Variants in TEAD1 observed in about 807,000 individuals in gnomAD.
The protein encoded by TEAD1 is transcriptional enhancer factor TEF-1.
TEAD1 carries 9 observed loss-of-function variants against 54.9 expected under a neutral mutation model. The ratio of observed to expected loss-of-function variants is 0.16; its 90% confidence interval spans 0.10 to 0.29. The LOEUF is 0.29. Among genes scored for constraint, TEAD1 ranks in the 10% least tolerant of loss-of-function variants. TEAD1 has a pLI of 1.00. For synonymous variants in TEAD1, 200 were observed against 187.8 expected (o/e 1.07, Z -0.53); for missense variants, 387 against 535.9 (o/e 0.72, Z 2.74).
intron 3 of TEAD1, among the ~76,000 whole-genome samples, chr11:12,799,331 T>A (rs1294958861): frequency 6.6e-6 from 1 of 152,250 alleles, no homozygotes. Flanking sequence ...AATAGTCACA[T>A]GCAATCTTTT....
chr11:12,865,047 T>G (rs1947588110), intron 5 of TEAD1, 147 bp downstream of exon 5: 1 of 908,364 alleles, frequency 1.1e-6, no homozygotes, highest in African/African-American at 1.6e-5. Context: ...GTGTTTAATC[T>G]CTCTGTTTCT....
chr11:12,831,579 T>C (rs1705530686), intron 3 of TEAD1, among the ~76,000 whole-genome samples: 1 of 152,160 alleles, frequency 6.6e-6, no homozygotes, highest in Non-Finnish European at 1.5e-5. Context: ...AAGGAAAATA[T>C]TCCACCTGGC....
intron 3 of TEAD1, among the ~76,000 whole-genome samples, chr11:12,844,497 T>C: frequency 6.6e-6 from 1 of 152,118 alleles, no homozygotes; most frequent in East Asian, 1.9e-4. Flanking sequence ...AGGGATTAAA[T>C]TGTTGCCACC....
At chr11:12,774,253 G>A (rs947163992) in intron 3 of TEAD1, among the ~76,000 whole-genome samples, 8 of 152,216 alleles carry the variant, frequency 5.3e-5, no homozygotes, top group Non-Finnish European at 8.8e-5. Context: ...GTCAACTGAT[G>A]TGAATGTGGG....
intron 2 of TEAD1, among the ~76,000 whole-genome samples, chr11:12,722,404 C>T (rs1944225655): frequency 6.6e-6 from 1 of 152,150 alleles, no homozygotes; most frequent in Non-Finnish European, 1.5e-5. Flanking sequence ...CTCAAGAAAC[C>T]TCATGCAGGC....
chr11:12,694,558 C>G (rs1176951908), intron 2 of TEAD1, among the ~76,000 whole-genome samples: 2 of 152,130 alleles, frequency 1.3e-5, no homozygotes, highest in African/African-American at 4.8e-5. Flanking sequence ...TTATTTTTCT[C>G]CTTTATGAGC....
At chr11:12,815,955 A>G (rs978363642) in intron 3 of TEAD1, among the ~76,000 whole-genome samples, 51 of 152,352 alleles carry the variant, frequency 3.3e-4, no homozygotes, top group African/African-American at 1.1e-3. Context: ...TTTAAATTAC[A>G]TGTTACAGCA....
chr11:12,779,562 T>TA (rs1184507233), intron 3 of TEAD1, among the ~76,000 whole-genome samples: 1 of 152,174 alleles, frequency 6.6e-6, no homozygotes, highest in African/African-American at 2.4e-5. Context: ...GATAATACAT[T>TA]AAAATACTTA....
intron 12 of TEAD1, among the ~76,000 whole-genome samples, chr11:12,934,438 G>C (rs956260561): frequency 6.6e-6 from 1 of 152,018 alleles, no homozygotes; most frequent in Admixed American, 6.6e-5. Context: ...AATACCTAAT[G>C]TTAAATGATG....
intron 3 of TEAD1, among the ~76,000 whole-genome samples, chr11:12,790,832 A>G (rs1436753699): frequency 6.6e-6 from 1 of 152,226 alleles, no homozygotes; most frequent in Admixed American, 6.5e-5. Flanking sequence ...TCATACCCTC[A>G]GGTGACTATG....
chr11:12,904,833 G>A (rs563834400), intron 10 of TEAD1: 63 of 351,860 alleles, frequency 1.8e-4, no homozygotes, highest in South Asian at 1.3e-3. Flanking sequence ...TTGCAGTATC[G>A]TACATGATCA....
At chr11:12,708,504 T>C (rs780838539) in intron 2 of TEAD1, among the ~76,000 whole-genome samples, 2 of 152,066 alleles carry the variant, frequency 1.3e-5, no homozygotes, top group African/African-American at 2.4e-5. Flanking sequence ...GCAAATTTCA[T>C]ATGTGATTGG....
chr11:12,804,350 AACG>A (rs1946124674), intron 3 of TEAD1, among the ~76,000 whole-genome samples: 1 of 152,232 alleles, frequency 6.6e-6, no homozygotes, highest in Non-Finnish European at 1.5e-5. Context: ...GTTCACCAAG[AACG>A]AGCCACCCCA....
At chr11:12,812,573 C>T (rs149061165) in intron 3 of TEAD1, among the ~76,000 whole-genome samples, 135 of 152,252 alleles carry the variant, frequency 8.9e-4, no homozygotes, top group African/African-American at 3.0e-3. Context: ...TAAAAGTAAA[C>T]TTTTTCCCTC....
At chr11:12,902,615 T>G (rs1368473147) in intron 10 of TEAD1, among the ~76,000 whole-genome samples, 1 of 152,220 alleles carries the variant, frequency 6.6e-6, no homozygotes, top group African/African-American at 2.4e-5. Flanking sequence ...GGCATAAGTA[T>G]AATGTGTGTG....
chr11:12,760,671 A>C (rs1945082548), intron 2 of TEAD1, among the ~76,000 whole-genome samples: 1 of 152,222 alleles, frequency 6.6e-6, no homozygotes, highest in Non-Finnish European at 1.5e-5. Flanking sequence ...ATAGATTCAG[A>C]ATCGAGGTAA....
chr11:12,915,191 G>A (rs11022549), intron 10 of TEAD1, among the ~76,000 whole-genome samples: 3 of 152,124 alleles, frequency 2.0e-5, no homozygotes, highest in Non-Finnish European at 4.4e-5. Flanking sequence ...TCGCGCCTTA[G>A]AGGTTATCTG....
intron 3 of TEAD1, among the ~76,000 whole-genome samples, chr11:12,838,537 G>C (rs1185540791): frequency 6.6e-6 from 1 of 152,170 alleles, no homozygotes; most frequent in Non-Finnish European, 1.5e-5. Context: ...TTAATGATGG[G>C]ATTACTTTGA....
chr11:12,823,056 A>G (rs1346899708), intron 3 of TEAD1, among the ~76,000 whole-genome samples: 1 of 152,154 alleles, frequency 6.6e-6, no homozygotes, highest in Non-Finnish European at 1.5e-5. Flanking sequence ...GTCAATTTTT[A>G]CTTGTCTTGC....
Sources: allele counts gnomAD v4.1 joint callset (sites outside exome capture counted in the v4.1 genomes callset), GRCh38; gene constraint gnomAD v4.1.1; transcripts MANE v1.5; gene names NCBI Gene and HGNC (gene_info 2026-07-23, HGNC 2026-07-21).